Variants in PARD3B observed in about 807,000 individuals in gnomAD.
PARD3B encodes partitioning defective 3 homolog B.
PARD3B carries 103 observed loss-of-function variants against 130.2 expected under a neutral mutation model. That is an observed-to-expected ratio of 0.79 (90% confidence interval 0.67 to 0.93). The LOEUF is 0.93. Ranked by LOEUF, PARD3B falls within the 40% of genes least tolerant of loss-of-function variation. The pLI is 0.00. For synonymous variants in PARD3B, 583 were observed against 553.2 expected (o/e 1.05, Z -0.76); for missense variants, 1,609 against 1,499.2 (o/e 1.07, Z -1.21).
At chr2:205,385,233 G>A (rs1319934758) in intron 18 of PARD3B, among the ~76,000 whole-genome samples, 1 of 151,976 alleles carries the variant, frequency 6.6e-6, no homozygotes, top group African/African-American at 2.4e-5. Flanking sequence ...TTTTTTTCAA[G>A]TACTTCTTAT....
rs1235955580 is a variant in PARD3B at position 205,397,349 on chromosome 2, A to T, written c.2631-3664A>T. 1.3e-5 allele frequency among the ~76,000 whole-genome samples: 2 copies of T among 152,194 alleles called. No homozygotes were observed. The highest frequency in any genetic ancestry group is 2.9e-5 in the Non-Finnish European group (2 of 68,038). On this transcript the variant is annotated intron_variant, in intron 18 of 22. Coordinates refer to ENST00000406610, the MANE Select transcript of PARD3B (RefSeq NM_001302769.2). The surrounding 1 kb of genome is among the most constrained non-coding windows in gnomAD (Gnocchi z 4.8). ...ATCAAAGCATTTATAATATTTGTAGAATTGCTTGATTTGACTGTTATTGGC... is the reference window on the plus strand; with the variant it reads ...ATCAAAGCATTTATAATATTTGTAGTATTGCTTGATTTGACTGTTATTGGC...
At chr2:204,625,782 C>A (rs754899844) in intron 1 of PARD3B, among the ~76,000 whole-genome samples, 5 of 152,128 alleles carry the variant, frequency 3.3e-5, no homozygotes, top group Non-Finnish European at 7.4e-5. Context: ...ACGCTCATTT[C>A]ATAATATTCC....
At chr2:205,527,645 G>C (rs970818918) in intron 21 of PARD3B, among the ~76,000 whole-genome samples, 1 of 152,158 alleles carries the variant, frequency 6.6e-6, no homozygotes, top group African/African-American at 2.4e-5. Flanking sequence ...TGTAAGGCCA[G>C]GCAAAGGCAA....
chr2:205,105,217 G>A lies in PARD3B; in HGVS notation c.593+703G>A, dbSNP rs1196857173. On this transcript the variant is annotated intron_variant, in intron 5 of 22. Coordinates refer to ENST00000406610, the MANE Select transcript of PARD3B (RefSeq NM_001302769.2). This position sits in a 1 kb window ranked among gnomAD's most constrained non-coding sequence, Gnocchi z 4.0. Reference sequence around the variant, plus strand: ...TATTAAAATCTTATTCAGAGGGTTAGTATGGGTATTAAATGAGTTAATACA... The same window carrying A: ...TATTAAAATCTTATTCAGAGGGTTAATATGGGTATTAAATGAGTTAATACA... 2.0e-5 allele frequency among the ~76,000 whole-genome samples: 3 copies of A among 152,290 alleles called. No homozygotes were observed. The highest frequency in any genetic ancestry group is 4.4e-5 in the Non-Finnish European group (3 of 68,028).
intron 14 of PARD3B, among the ~76,000 whole-genome samples, chr2:205,191,366 C>G (rs2036390188): frequency 6.6e-6 from 1 of 152,046 alleles, no homozygotes; most frequent in Non-Finnish European, 1.5e-5. Flanking sequence ...GAAACTGAGG[C>G]CACTCACCCT....
At chr2:205,427,567 CAAAG>C (rs1029161418) in intron 19 of PARD3B, among the ~76,000 whole-genome samples, 1 of 151,856 alleles carries the variant, frequency 6.6e-6, no homozygotes, top group African/African-American at 2.4e-5. Flanking sequence ...TTTTGTGTAA[CAAAG>C]AAGGCATCTA....
rs1009637029 is a variant in PARD3B, at chr2:204,861,977, A to G, written c.223-103175A>G. Among the ~76,000 whole-genome samples the G allele has an allele frequency of 7.3e-5, 11 of 150,928 alleles. No homozygotes were observed. In the East Asian group the frequency reaches 2.1e-3, roughly 29 times the overall value. ...GAAATGGCTGAAAGTTTTGTCACTT[A>G]AAGGGCAAATATTAATTTTTTAGAA... On this transcript the variant is annotated intron_variant, in intron 2 of 22. Transcript: ENST00000406610.
intron 22 of PARD3B, among the ~76,000 whole-genome samples, chr2:205,582,958 C>T (rs1321853381): frequency 6.6e-6 from 1 of 152,026 alleles, no homozygotes; most frequent in East Asian, 1.9e-4. Context: ...CTCAGAGTAG[C>T]AGGGAATGGG....
intron 1 of PARD3B, among the ~76,000 whole-genome samples, chr2:204,602,242 A>G (rs1045641804): frequency 6.6e-6 from 1 of 152,050 alleles, no homozygotes; most frequent in African/African-American, 2.4e-5. Context: ...GCTCAACAAT[A>G]CAAGTATCAG....
At chr2:205,294,913 CT>C (rs1486770225) in intron 16 of PARD3B, among the ~76,000 whole-genome samples, 4 of 152,118 alleles carry the variant, frequency 2.6e-5, no homozygotes, top group African/African-American at 9.7e-5. Flanking sequence ...ATTTGGAACA[CT>C]GTGATAGGCA....
chr2:204,694,757 G>A (rs1179797699), intron 2 of PARD3B, among the ~76,000 whole-genome samples: 8 of 151,920 alleles, frequency 5.3e-5, no homozygotes, highest in African/African-American at 9.7e-5. Context: ...TGTGCCTTCC[G>A]CAATTTAGTT....
intron 18 of PARD3B, among the ~76,000 whole-genome samples, chr2:205,374,250 T>A (rs849196): frequency 0.23 from 34,723 of 151,814 alleles, 4,918 homozygotes; most frequent in African/African-American, 0.4. Context: ...TATTATTATT[T>A]TTTTGAGATG....
chr2:205,053,588 C>T (rs928495464), intron 4 of PARD3B, among the ~76,000 whole-genome samples: 1 of 150,322 alleles, frequency 6.7e-6, no homozygotes, highest in African/African-American at 2.5e-5. Context: ...TCCAGTGAGC[C>T]AAGATCGTGT....
intron 3 of PARD3B, among the ~76,000 whole-genome samples, chr2:205,033,746 C>G (rs74716126): frequency 8.5e-5 from 13 of 152,288 alleles, no homozygotes; most frequent in Non-Finnish European, 1.9e-4. Context: ...CAACTATTAT[C>G]CCTTTAGCTA....
chr2:204,882,607 G>C (rs1229483559), intron 2 of PARD3B, among the ~76,000 whole-genome samples: 2 of 152,142 alleles, frequency 1.3e-5, no homozygotes, highest in Non-Finnish European at 2.9e-5. Context: ...GCTGCAGGCT[G>C]GTTCTATGGG....
At chr2:204,658,798 C>T (rs1228711405) in intron 1 of PARD3B, among the ~76,000 whole-genome samples, 1 of 152,110 alleles carries the variant, frequency 6.6e-6, no homozygotes, top group Non-Finnish European at 1.5e-5. Flanking sequence ...AAAGTCCTAA[C>T]TTTTATTTCC....
At chr2:205,486,506 C>T (rs866823607) in intron 20 of PARD3B, among the ~76,000 whole-genome samples, 1 of 152,110 alleles carries the variant, frequency 6.6e-6, no homozygotes, top group African/African-American at 2.4e-5. Flanking sequence ...CAGAAGAGGT[C>T]GAGTTGGCTC....
At chr2:204,570,128 A>AT (rs1240161848) in intron 1 of PARD3B, among the ~76,000 whole-genome samples, 1 of 152,046 alleles carries the variant, frequency 6.6e-6, no homozygotes, top group African/African-American at 2.4e-5. Flanking sequence ...CTGAAAGGGA[A>AT]TGAAATTTCA....
At chr2:204,859,393 C>A (rs772587791) in intron 2 of PARD3B, among the ~76,000 whole-genome samples, 4 of 152,040 alleles carry the variant, frequency 2.6e-5, no homozygotes, top group Non-Finnish European at 5.9e-5. Flanking sequence ...GATCTATGGT[C>A]TACAAAGCTA....
Sources: allele counts gnomAD v4.1 joint callset (sites outside exome capture counted in the v4.1 genomes callset), GRCh38; gene constraint gnomAD v4.1.1; non-coding constraint Gnocchi (gnomAD v3.1); transcripts MANE v1.5; gene names NCBI Gene and HGNC (gene_info 2026-07-23, HGNC 2026-07-21).